The following SF3A3 variants were observed in gnomAD, a reference collection of about 807,000 sequenced individuals.
SF3A3 encodes SAP 61.
In SF3A3, 9 loss-of-function variants were observed where a neutral mutation model predicts 85.8. The ratio of observed to expected loss-of-function variants is 0.10; its 90% CI spans 0.06 to 0.18. SF3A3 has a LOEUF of 0.18. Ranked by LOEUF, SF3A3 falls within the 10% of genes least tolerant of loss-of-function variation. The pLI is 1.00. For synonymous variants in SF3A3, 195 were observed against 204.4 expected, an observed-to-expected ratio of 0.95 and a Z score of 0.39; for missense variants, 306 against 593.3, an observed-to-expected ratio of 0.52 and a Z score of 5.03.
chr1:37,961,759 C>CAAAAAA (rs10699691), intron 15 of SF3A3, among the ~76,000 whole-genome samples: 6,373 of 37,684 alleles, frequency 0.17, 1,113 homozygotes, highest in Middle Eastern at 0.25. Flanking sequence ...GCAAGACTGC[C>CAAAAAA]AAAAAAAAAA....
chr1:37,969,800 G>C, intron 12 of SF3A3, 65 bp from the exon 13 acceptor site: 1 of 1,558,650 alleles, frequency 6.4e-7, no homozygotes, highest in Non-Finnish European at 8.7e-7. Flanking sequence ...GAAATTTCCT[G>C]TTTTCCTGTA....
chr1:37,977,514 C>T (rs1646386681), intron 11 of SF3A3, among the ~76,000 whole-genome samples: 1 of 152,014 alleles, frequency 6.6e-6, no homozygotes, highest in African/African-American at 2.4e-5. Flanking sequence ...CCAACCTCGC[C>T]AACATGGTGA....
At chr1:37,975,859 T>C (rs1343366391) in intron 12 of SF3A3, among the ~76,000 whole-genome samples, 1 of 152,154 alleles carries the variant, frequency 6.6e-6, no homozygotes, top group Non-Finnish European at 1.5e-5. Flanking sequence ...GGAAAGGCTC[T>C]GAGAGTTAAA....
At chr1:37,960,199 A>T in intron 15 of SF3A3, 24 bp from the exon 16 acceptor site, 1 of 1,611,008 alleles carries the variant, frequency 6.2e-7, no homozygotes, top group Non-Finnish European at 8.5e-7. Context: ...AATGAACAGC[A>T]ATCAGGATGG....
chr1:37,964,886 T>C (rs995982754), intron 15 of SF3A3, among the ~76,000 whole-genome samples: 6 of 152,146 alleles, frequency 3.9e-5, no homozygotes, highest in African/African-American at 1.2e-4. Context: ...AACATGAGCA[T>C]GGTGGCTCAT....
Position 37,969,836 on chromosome 1 carries a change from G to A in SF3A3, c.1006-101C>T. 3 of 1,278,466 alleles carry A rather than the reference G, an allele frequency of 2.3e-6. No individual in the cohort carries two copies. In the South Asian group the frequency reaches 4.3e-5, roughly 18 times the overall value. 79.2% of individuals were successfully genotyped at this position (1,278,466 alleles called of 1,614,324 possible). A position where few individuals can be genotyped will look rare whatever the true frequency, so the allele number is the denominator to read the frequency against. ...ACTTTTGCTGACCCCTTACTTCCAA[G>A]GATAAGGTTCTTTCTTACAGAATAA... is the stretch of plus-strand genomic sequence containing the variant. On this transcript the variant is annotated intron_variant, in intron 12 of 16. Transcript: ENST00000373019.
intron 15 of SF3A3, among the ~76,000 whole-genome samples, chr1:37,964,825 C>T (rs532714492): frequency 1.3e-5 from 2 of 152,286 alleles, no homozygotes; most frequent in East Asian, 3.9e-4. Context: ...GCCTCAAACA[C>T]AAGCTTACTG....
At chr1:37,969,111 A>T (rs1646321492) in intron 14 of SF3A3, among the ~76,000 whole-genome samples, 1 of 152,210 alleles carries the variant, frequency 6.6e-6, no homozygotes, top group Non-Finnish European at 1.5e-5. Flanking sequence ...AAGAGCAGGC[A>T]AGAGAAAACC....
chr1:37,986,811 C>CAAAAAAA (rs1186890843), intron 4 of SF3A3, among the ~76,000 whole-genome samples: 26 of 62,170 alleles, frequency 4.2e-4, no homozygotes, highest in African/African-American at 6.1e-4. Context: ...GACTCCATCT[C>CAAAAAAA]AAAAAAAAAA....
intron 14 of SF3A3, among the ~76,000 whole-genome samples, chr1:37,968,501 G>C (rs1164499530): frequency 2.0e-5 from 3 of 152,166 alleles, no homozygotes; most frequent in Non-Finnish European, 4.4e-5. Context: ...ATGAATAGGG[G>C]TTACTAATGG....
At chr1:37,980,426 A>C (rs1434571906) in intron 8 of SF3A3, among the ~76,000 whole-genome samples, 160 bp downstream of exon 8, 1 of 144,922 alleles carries the variant, frequency 6.9e-6, no homozygotes, top group Non-Finnish European at 1.5e-5. Context: ...CTCCGTCTCC[A>C]AAAAAAAAAA....
intron 9 of SF3A3, 56 bp downstream of exon 9, chr1:37,979,409 C>G: frequency 7.4e-7 from 1 of 1,350,896 alleles, no homozygotes; most frequent in Non-Finnish European, 1.1e-6. Flanking sequence ...GGAGAGCAGT[C>G]TTTAAAGACA....
At chr1:37,987,424 T>C (rs1646464782) in intron 4 of SF3A3, 149 bp downstream of exon 4, 1 of 648,132 alleles carries the variant, frequency 1.5e-6, no homozygotes, top group Non-Finnish European at 2.7e-6. Context: ...CACTGTATTG[T>C]AGGATGTCAG....
chr1:37,979,200 A>G (rs1646400332), intron 9 of SF3A3, 145 bp from the exon 10 acceptor site: 1 of 681,202 alleles, frequency 1.5e-6, no homozygotes, highest in South Asian at 1.8e-5. Context: ...AACTCTCCAG[A>G]GGACTGAATC....
intron 6 of SF3A3, 145 bp downstream of exon 6, chr1:37,984,023 GA>G: frequency 2.1e-6 from 1 of 480,134 alleles, no homozygotes; most frequent in Non-Finnish European, 3.7e-6. Context: ...TTCATTCCAA[GA>G]GAGCATATCA....
At chr1:37,977,796 G>A (rs1646389374) in intron 11 of SF3A3, among the ~76,000 whole-genome samples, 1 of 151,918 alleles carries the variant, frequency 6.6e-6, no homozygotes, top group South Asian at 2.1e-4. Context: ...CCGAGATTGC[G>A]CCACTGCACT....
chr1:37,987,476 A>C, intron 4 of SF3A3, 97 bp downstream of exon 4: 1 of 854,548 alleles, frequency 1.2e-6, no homozygotes. Context: ...TTCTTTCTTG[A>C]AGTGCATTTG....
intron 15 of SF3A3, among the ~76,000 whole-genome samples, chr1:37,965,823 T>C (rs919020015): frequency 4.9e-4 from 6 of 12,234 alleles, no homozygotes; most frequent in Non-Finnish European, 1.6e-4. Flanking sequence ...AATTTAACAG[T>C]GGGGGGTGGG....
chr1:37,969,520 A>G (rs755664374), intron 13 of SF3A3, 51 bp downstream of exon 13: 1 of 1,613,804 alleles, frequency 6.2e-7, no homozygotes, highest in South Asian at 1.1e-5. Context: ...TAAACTCTGT[A>G]TCTGTTTCCA....
Sources: gnomAD v4.1 joint callset for allele counts (sites outside exome capture counted in the v4.1 genomes callset) on GRCh38, gnomAD v4.1.1 for gene constraint, MANE v1.5 for transcripts, NCBI Gene and HGNC (gene_info 2026-07-23, HGNC 2026-07-21) for gene names.